The following HACE1 variants were observed in gnomAD, a reference collection of about 807,000 sequenced individuals.
The protein encoded by HACE1 is E3 ubiquitin-protein ligase HACE1.
A neutral mutation model predicts 118.4 loss-of-function variants in HACE1; 73 were observed. The observed-to-expected ratio is 0.62, with a 90% CI of 0.51 to 0.75. The LOEUF is 0.75. Ranked by LOEUF, HACE1 falls within the 30% of genes least tolerant of loss-of-function variation. The probability of loss-of-function intolerance (pLI) is 0.00; values close to 1 mark genes in which losing one functional copy is unlikely to be tolerated. For synonymous variants in HACE1, 368 were observed against 374.8 expected (o/e 0.98, Z 0.21); for missense variants, 749 against 1,102.2 (o/e 0.68, Z 4.54).
chr6:104,841,729 G>A (rs1410561341), intron 5 of HACE1, among the ~76,000 whole-genome samples: 1 of 151,886 alleles, frequency 6.6e-6, no homozygotes, highest in Admixed American at 6.6e-5. Context: ...AAAATTAAAA[G>A]ATTCAAAATA....
intron 1 of HACE1, among the ~76,000 whole-genome samples, chr6:104,855,403 A>C (rs1259506505): frequency 6.6e-6 from 1 of 152,156 alleles, no homozygotes; most frequent in African/African-American, 2.4e-5. Flanking sequence ...AGATCATGCC[A>C]CTGCACTCTA....
Position 104,849,138 on chromosome 6 carries a change from T to C in HACE1, c.326+4A>G. ...TAAGCCACTTAAGAAAACTAAATAG[T>C]TACCCATTTCTTGCTGCCAAATGAA... On this transcript the variant is annotated splice_donor_region_variant and intron_variant, in intron 4 of 23. Transcript: ENST00000262903. 2.0e-6 allele frequency: 3 copies of C among 1,498,164 alleles called. No individual in the cohort carries two copies. Among genetic ancestry groups the C allele is most frequent in the Non-Finnish European group, 2.8e-6 (3 of 1,074,148 alleles). 92.8% of individuals were successfully genotyped at this position (1,498,164 alleles called of 1,614,324 possible).
intron 1 of HACE1, chr6:104,858,656 GA>G (rs1776991320): frequency 5.3e-6 from 1 of 190,226 alleles, no homozygotes; most frequent in African/African-American, 2.4e-5. Flanking sequence ...AGAGAGTTTT[GA>G]AAAAGTAAGA....
At chr6:104,767,557 G>A (rs1315831785) in intron 19 of HACE1, among the ~76,000 whole-genome samples, 1 of 152,084 alleles carries the variant, frequency 6.6e-6, no homozygotes, top group Non-Finnish European at 1.5e-5. Context: ...ATTTGATCAT[G>A]TCATTTCCCT....
chr6:104,748,014 C>A (rs1562281962), intron 20 of HACE1, among the ~76,000 whole-genome samples: 1 of 151,802 alleles, frequency 6.6e-6, no homozygotes, highest in Admixed American at 6.6e-5. Flanking sequence ...AAAGAAAACA[C>A]AGAAAAATAT....
chr6:104,831,980 G>GAAGAGAAGAGAAGAGGAGGAAGGAAGGA (rs71003447), intron 6 of HACE1, among the ~76,000 whole-genome samples: 5 of 62,928 alleles, frequency 7.9e-5, no homozygotes, highest in Non-Finnish European at 1.5e-4. Flanking sequence ...GAAGAGAAGA[G>GAAGAGAAGAGAAGAGGAGGAAGGAAGGA]AGGAAGGAAG....
chr6:104,748,576 A>G (rs1471628116), intron 20 of HACE1, among the ~76,000 whole-genome samples: 1 of 152,188 alleles, frequency 6.6e-6, no homozygotes, highest in Non-Finnish European at 1.5e-5. Context: ...TTCCACTCCA[A>G]GGCATATAAC....
chr6:104,832,374 C>T (rs1185640906), intron 6 of HACE1, among the ~76,000 whole-genome samples: 1 of 135,838 alleles, frequency 7.4e-6, no homozygotes, highest in African/African-American at 2.5e-5. Context: ...GCACTATTTT[C>T]CTGTTTTTTG....
At chr6:104,745,385 T>G (rs546270905) in intron 20 of HACE1, among the ~76,000 whole-genome samples, 1 of 152,122 alleles carries the variant, frequency 6.6e-6, no homozygotes, top group Non-Finnish European at 1.5e-5. Flanking sequence ...CAGTTAGAGA[T>G]GCTTACATAG....
rs191823971 is a variant in HACE1 at position 104,751,250 on chromosome 6, A to G, written c.2212-778T>C. On this transcript the variant is annotated intron_variant, in intron 19 of 23. Coordinates refer to ENST00000262903, the MANE Select transcript of HACE1 (RefSeq NM_020771.4). ...GGAACTTTGTTTTACCAGGATATAT[A>G]CCAACTTCTAAAAAGTGGCTGCCAC... is the stretch of plus-strand genomic sequence containing the variant. 2.2e-3 allele frequency among the ~76,000 whole-genome samples: 337 copies of G among 152,346 alleles called. 1 individual carries two copies. Among genetic ancestry groups the G allele is most frequent in the Admixed American group, 4.6e-3 (71 of 15,308 alleles).
chr6:104,844,533 C>T (rs1280085376), intron 4 of HACE1, among the ~76,000 whole-genome samples: 1 of 151,618 alleles, frequency 6.6e-6, no homozygotes, highest in Non-Finnish European at 1.5e-5. Flanking sequence ...TTAGTAAAGA[C>T]ACGGTTTCAC....
chr6:104,843,395 G>A, intron 4 of HACE1, 97 bp from the exon 5 acceptor site: 1 of 749,338 alleles, frequency 1.3e-6, no homozygotes, highest in East Asian at 2.5e-5. Flanking sequence ...AATAACAGCT[G>A]ATGACATCAT....
At chr6:104,784,273 A>G (rs1258148212) in intron 13 of HACE1, 100 bp from the exon 14 acceptor site, 5 of 862,512 alleles carry the variant, frequency 5.8e-6, no homozygotes, top group East Asian at 5.0e-5. Context: ...AGAAAAACAC[A>G]TAATAATCCA....
intron 19 of HACE1, among the ~76,000 whole-genome samples, chr6:104,756,075 C>T (rs993135754): frequency 3.9e-5 from 6 of 151,970 alleles, no homozygotes; most frequent in Admixed American, 6.6e-5. Context: ...GAAGTAAACA[C>T]AATCAGAAAT....
At chr6:104,835,881 C>T (rs1015795892) in intron 5 of HACE1, among the ~76,000 whole-genome samples, 2 of 152,122 alleles carry the variant, frequency 1.3e-5, no homozygotes, top group African/African-American at 4.8e-5. Context: ...TAGCACTAAA[C>T]TTCAAAACAA....
chr6:104,748,754 A>C (rs1256741794), intron 20 of HACE1, among the ~76,000 whole-genome samples: 9 of 152,254 alleles, frequency 5.9e-5, no homozygotes, highest in Non-Finnish European at 1.3e-4. Context: ...AACTGCATGC[A>C]ACAATATGTA....
chr6:104,768,962 C>T (rs1780328050), intron 19 of HACE1, among the ~76,000 whole-genome samples: 1 of 151,922 alleles, frequency 6.6e-6, no homozygotes, highest in Non-Finnish European at 1.5e-5. Context: ...AAAATCTAAA[C>T]AAAAATCATG....
intron 11 of HACE1, among the ~76,000 whole-genome samples, chr6:104,788,598 TCA>T (rs529508344): frequency 2.6e-4 from 39 of 152,270 alleles, no homozygotes; most frequent in African/African-American, 9.4e-4. Flanking sequence ...GTTAAAAGTT[TCA>T]CAATCTTTCT....
intron 22 of HACE1, among the ~76,000 whole-genome samples, chr6:104,741,111 C>CA (rs1325430208): frequency 3.8e-5 from 2 of 53,020 alleles, no homozygotes; most frequent in Middle Eastern, 8.2e-3. Flanking sequence ...AATTCAACAA[C>CA]CTTCATGCTA....
Sources: allele counts gnomAD v4.1 joint callset (sites outside exome capture counted in the v4.1 genomes callset), GRCh38; gene constraint gnomAD v4.1.1; transcripts MANE v1.5; gene names NCBI Gene and HGNC (gene_info 2026-07-23, HGNC 2026-07-21).